CACNA1E: variants seen among roughly 807,000 people sequenced by gnomAD.
CACNA1E encodes voltage-dependent R-type calcium channel subunit alpha-1E.
A neutral mutation model predicts 259.2 loss-of-function variants in CACNA1E; 40 were observed. The ratio of observed to expected loss-of-function variants is 0.15; its 90% CI spans 0.12 to 0.20. The LOEUF (loss-of-function observed/expected upper bound fraction) is 0.20. Ranked by LOEUF, CACNA1E falls within the 10% of genes least tolerant of loss-of-function variation. The probability of loss-of-function intolerance (pLI) is 1.00; values close to 1 mark genes in which losing one functional copy is unlikely to be tolerated. For synonymous variants in CACNA1E, 1,104 were observed against 1,138.5 expected, an observed-to-expected ratio of 0.97 and a Z score of 0.61; for missense variants, 1,874 against 3,040.1, an observed-to-expected ratio of 0.62 and a Z score of 9.02.
At chr1:181,474,877 T>G (rs865906310) in intron 2 of CACNA1E, among the ~76,000 whole-genome samples, 1 of 152,340 alleles carries the variant, frequency 6.6e-6, no homozygotes, top group Non-Finnish European at 1.5e-5. Context: ...AGATGGTGCT[T>G]GGGCAGTTAG....
In CACNA1E at chr1:181,569,912, AT is replaced by A. The variant is rs780050058; in HGVS notation, c.513-7853del. On this transcript the variant is annotated intron_variant, in intron 3 of 47. Transcript: ENST00000367573. Reference sequence around the variant, plus strand: ...TTAATGATCAGACCCATGTTCTAAGATATAAGAACTGTATGTAATTGGGAGT... The same window carrying A: ...TTAATGATCAGACCCATGTTCTAAGAATAAGAACTGTATGTAATTGGGAGT... Among the ~76,000 whole-genome samples the A allele has an allele frequency of 6.2e-4, 94 of 152,190 alleles. 2 individuals are homozygous for A. The highest frequency in any genetic ancestry group is 7.3e-5 in the Non-Finnish European group (5 of 68,032).
chr1:181,680,230 T>A (rs1480172639), intron 7 of CACNA1E, among the ~76,000 whole-genome samples: 2 of 150,840 alleles, frequency 1.3e-5, no homozygotes, highest in Non-Finnish European at 2.9e-5. Context: ...GGAATCAAAA[T>A]GGGCATTTGG....
chr1:181,793,538 C>T (rs1378051757), intron 44 of CACNA1E, 127 bp from the exon 45 acceptor site: 1 of 978,922 alleles, frequency 1.0e-6, no homozygotes, highest in African/African-American at 1.6e-5. Context: ...ATACATACAA[C>T]TGAGACCTTA....
At chr1:181,404,329 T>C (rs1374105987) in intron 1 of CACNA1E, among the ~76,000 whole-genome samples, 3 of 152,234 alleles carry the variant, frequency 2.0e-5, no homozygotes, top group African/African-American at 7.2e-5. Context: ...TGTGTCTTAT[T>C]GCAGAACGTC....
chr1:181,661,987 C>G (rs895937125), intron 7 of CACNA1E, among the ~76,000 whole-genome samples: 1 of 152,176 alleles, frequency 6.6e-6, no homozygotes, highest in African/African-American at 2.4e-5. Flanking sequence ...ACAGGTCCTC[C>G]ATGACGGCCA....
rs976468123 is a variant in CACNA1E at position 181,684,475 on chromosome 1, C to G, written c.1056-26479C>G. On this transcript the variant is annotated intron_variant, in intron 7 of 47. Coordinates refer to ENST00000367573, the MANE Select transcript of CACNA1E (RefSeq NM_001205293.3). ...TTCTTTTGCTGTGCAGAAGCTCTTT[C>G]ATTTAATTAGGTCCTACTTGTCAAT... Among the ~76,000 whole-genome samples the G allele has an allele frequency of 6.6e-5, 10 of 152,040 alleles. No individual in the cohort carries two copies. In the East Asian group the frequency reaches 1.9e-3, roughly 29 times the overall value.
chr1:181,654,723 G>T (rs542287591), intron 7 of CACNA1E, among the ~76,000 whole-genome samples: 1 of 152,152 alleles, frequency 6.6e-6, no homozygotes, highest in African/African-American at 2.4e-5. Context: ...GCTGGCTCAC[G>T]CCTGTAATCC....
chr1:181,402,203 T>A (rs998445462), intron 1 of CACNA1E, among the ~76,000 whole-genome samples: 1 of 152,230 alleles, frequency 6.6e-6, no homozygotes, highest in African/African-American at 2.4e-5. Flanking sequence ...GTTATCTTCC[T>A]TTTTGGATTG....
intron 7 of CACNA1E, among the ~76,000 whole-genome samples, chr1:181,679,403 AC>A (rs1649702195): frequency 6.6e-6 from 1 of 152,150 alleles, no homozygotes; most frequent in Admixed American, 6.5e-5. Flanking sequence ...GCTTTGTCCT[AC>A]ACTCTGCTGC....
intron 26 of CACNA1E, among the ~76,000 whole-genome samples, chr1:181,751,305 C>T (rs907656896): frequency 2.0e-5 from 3 of 152,194 alleles, no homozygotes; most frequent in Non-Finnish European, 2.9e-5. Context: ...TAGGAGTAAA[C>T]ATTTCCAAGA....
rs562209268 is a variant in CACNA1E, at chr1:181,721,277, A to C, written c.1956+422A>C. Among the ~76,000 whole-genome samples, 61 of 152,326 alleles carry C rather than the reference A, an allele frequency of 4.0e-4. 1 individual carries two copies. The highest frequency in any genetic ancestry group is 1.4e-3 in the African/African-American group (57 of 41,586). On this transcript the variant is annotated intron_variant, in intron 15 of 47. Coordinates refer to ENST00000367573, the MANE Select transcript of CACNA1E (RefSeq NM_001205293.3). The stretch of plus-strand genomic sequence containing the variant: ...AACTCAACCGTTTAAATCATGGGGA[A>C]AACTCAAAATCAATAGTGTCTTAGG...
chr1:181,731,450 T>C (rs1048707774), intron 19 of CACNA1E, among the ~76,000 whole-genome samples: 4 of 152,160 alleles, frequency 2.6e-5, no homozygotes, highest in Non-Finnish European at 4.4e-5. Flanking sequence ...AACTGTGTGT[T>C]TTTCGCTCTT....
chr1:181,390,635 A>G (rs910695181), intron 1 of CACNA1E, among the ~76,000 whole-genome samples: 3 of 152,086 alleles, frequency 2.0e-5, no homozygotes, highest in Non-Finnish European at 4.4e-5. Context: ...TTTGTGTAGT[A>G]CGAGGCTTGA....
At chr1:181,747,972 T>G (rs1283036829) in intron 25 of CACNA1E, among the ~76,000 whole-genome samples, 1 of 152,218 alleles carries the variant, frequency 6.6e-6, no homozygotes, top group Non-Finnish European at 1.5e-5. Flanking sequence ...CTCTTTTCAT[T>G]TCAAATGGCA....
intron 2 of CACNA1E, among the ~76,000 whole-genome samples, chr1:181,421,261 C>T (rs1037602656): frequency 6.6e-6 from 1 of 152,200 alleles, no homozygotes; most frequent in Admixed American, 6.5e-5. Flanking sequence ...GGCTTGGGCA[C>T]TTTGTAACCT....
intron 6 of CACNA1E, among the ~76,000 whole-genome samples, chr1:181,650,308 G>A (rs565592566): frequency 3.0e-4 from 45 of 152,280 alleles, no homozygotes; most frequent in African/African-American, 1.1e-3. Context: ...TTTTAGGCAT[G>A]GCATTTGACT....
chr1:181,643,657 G>T (rs1226579821), intron 6 of CACNA1E, among the ~76,000 whole-genome samples: 6 of 152,160 alleles, frequency 3.9e-5, no homozygotes, highest in African/African-American at 1.2e-4. Flanking sequence ...GTGGAGGAGT[G>T]TTTCTTTCTG....
intron 1 of CACNA1E, among the ~76,000 whole-genome samples, chr1:181,319,258 G>T (rs984660226): frequency 6.6e-6 from 1 of 152,220 alleles, no homozygotes; most frequent in African/African-American, 2.4e-5. Flanking sequence ...TTAATCCACA[G>T]AGCAGGCTGA....
At chr1:181,708,181 C>T (rs1477824389) in intron 7 of CACNA1E, among the ~76,000 whole-genome samples, 2 of 152,018 alleles carry the variant, frequency 1.3e-5, no homozygotes, top group African/African-American at 4.8e-5. Context: ...ATAGGGATGG[C>T]AGGAGGAGAT....
Sources: gnomAD v4.1 joint callset for allele counts (sites outside exome capture counted in the v4.1 genomes callset) on GRCh38, gnomAD v4.1.1 for gene constraint, MANE v1.5 for transcripts, NCBI Gene and HGNC (gene_info 2026-07-23, HGNC 2026-07-21) for gene names.